Variants in USP34 observed in about 807,000 individuals in gnomAD.
USP34 encodes ubiquitin carboxyl-terminal hydrolase 34.
In USP34, 70 loss-of-function variants were observed where a neutral mutation model predicts 460.3. That is an observed-to-expected ratio of 0.15 (90% confidence interval 0.13 to 0.19). The LOEUF (loss-of-function observed/expected upper bound fraction) is 0.19. USP34 is among the 10% of genes least tolerant of loss of function. The probability of loss-of-function intolerance (pLI) is 1.00; values close to 1 mark genes in which losing one functional copy is unlikely to be tolerated. For missense variants in USP34, 3,985 were observed against 4,236.2 expected (o/e 0.94, Z 1.65); for synonymous variants, 1,647 against 1,405.3 (o/e 1.17, Z -3.85).
chr2:61,222,266 T>G (rs1687609169), intron 65 of USP34, among the ~76,000 whole-genome samples: 1 of 152,230 alleles, frequency 6.6e-6, no homozygotes, highest in Non-Finnish European at 1.5e-5. Flanking sequence ...TATATAACAC[T>G]GCATTCTATT....
intron 2 of USP34, among the ~76,000 whole-genome samples, chr2:61,407,840 T>C (rs1041390306): frequency 5.3e-5 from 8 of 152,068 alleles, no homozygotes; most frequent in African/African-American, 1.9e-4. Context: ...TGAGGCTGGG[T>C]GTGGTGGCTC....
intron 61 of USP34, 26 bp downstream of exon 61, chr2:61,228,619 C>T (rs1316950553): frequency 2.5e-6 from 4 of 1,594,144 alleles, no homozygotes; most frequent in Non-Finnish European, 3.4e-6. Context: ...CCTCTAATAC[C>T]TAATGTACGA....
At chr2:61,232,594 A>G in intron 57 of USP34, 62 bp from the exon 58 acceptor site, 5 of 1,275,398 alleles carry the variant, frequency 3.9e-6, no homozygotes. Context: ...ATGGGATAAC[A>G]GTCACATAAG....
At chr2:61,213,725 GC>G (rs1687330101) in intron 68 of USP34, among the ~76,000 whole-genome samples, 1 of 152,158 alleles carries the variant, frequency 6.6e-6, no homozygotes, top group Admixed American at 6.5e-5. Flanking sequence ...TTTTTAAATA[GC>G]AAAGTACTCA....
intron 10 of USP34, among the ~76,000 whole-genome samples, chr2:61,361,690 A>C (rs1692280354): frequency 6.6e-6 from 1 of 152,216 alleles, no homozygotes; most frequent in South Asian, 2.1e-4. Context: ...AGTACATTTA[A>C]GACCTGAAAT....
intron 2 of USP34, among the ~76,000 whole-genome samples, chr2:61,410,836 T>C (rs1264064533): frequency 6.6e-6 from 1 of 152,002 alleles, no homozygotes. Context: ...AGCTATGAAA[T>C]GGATTTACAA....
chr2:61,244,372 TC>T (rs1688363542), intron 51 of USP34, among the ~76,000 whole-genome samples: 2 of 152,186 alleles, frequency 1.3e-5, no homozygotes, highest in South Asian at 4.1e-4. Context: ...TCCCAGCACT[TC>T]GGAGGCTGCA....
intron 34 of USP34, among the ~76,000 whole-genome samples, chr2:61,287,097 A>T (rs908708268): frequency 1.1e-3 from 160 of 152,332 alleles, no homozygotes; most frequent in African/African-American, 3.8e-3. Context: ...TACTCTGCAT[A>T]TATTTCGTTT....
At chr2:61,207,679 ATTT>A (rs989985625) in intron 70 of USP34, 1 of 150,700 alleles carries the variant, frequency 6.6e-6, no homozygotes, top group Non-Finnish European at 1.5e-5. Context: ...TTAAAAAAAA[ATTT>A]TTTTTTTCTA....
chr2:61,357,807 G>A (rs1197902800), intron 10 of USP34, among the ~76,000 whole-genome samples: 1 of 151,810 alleles, frequency 6.6e-6, no homozygotes, highest in Non-Finnish European at 1.5e-5. Context: ...AGAGGCTAAG[G>A]CAGAAGGACT....
At position 61,189,045 on chromosome 2, in the gene USP34, G is replaced by A. The variant is rs781601287; in HGVS notation, c.9898C>T (p.Leu3300=). The A allele has an allele frequency of 5.0e-6, 8 of 1,613,630 alleles. No homozygotes were observed. The South Asian group carries it at 5.5e-5, about 11-fold the overall frequency. ...NGDLRALALL[L]SVHTPKQLNP... ...AACTGTTTGGGAGTGTGTACTGACA[G>A]GAGCAAAGCGAGTGCCCTCAGGTCC... The change falls in exon 79 of 80, where the codon CTG becomes TTG. Residue 3300 remains leucine, a synonymous_variant. Coordinates refer to ENST00000398571, the MANE Select transcript of USP34 (RefSeq NM_014709.4).
intron 1 of USP34, among the ~76,000 whole-genome samples, chr2:61,435,042 A>C (rs1477260714): frequency 6.6e-6 from 1 of 152,106 alleles, no homozygotes. Context: ...AGCACCTCAC[A>C]CCTATAATCT....
rs2103673432 is a variant in USP34 at position 61,311,829 on chromosome 2, A to G, written c.3624T>C (p.Ser1208=). 2.5e-6 allele frequency: 4 copies of G among 1,614,054 alleles called. No individual in the cohort carries two copies. In the East Asian group the frequency reaches 8.9e-5, roughly 36 times the overall value. ...SHLKALSDKQ[S]LPLRVVCQPA... ...GCTGGCATACAACCCTTAGCGGCAG[A>G]GACTGTTTGTCACTCAGTGCTTTCA... The change falls in exon 26 of 80, where the codon TCT becomes TCC. Residue 1208 remains serine, a synonymous_variant. Transcript: ENST00000398571.
At chr2:61,366,313 T>C (rs966832918) in intron 10 of USP34, among the ~76,000 whole-genome samples, 1 of 152,192 alleles carries the variant, frequency 6.6e-6, no homozygotes, top group Non-Finnish European at 1.5e-5. Context: ...GGTGAGATGA[T>C]CTTCCCAACA....
At chr2:61,201,001 A>T (rs546194036) in intron 75 of USP34, among the ~76,000 whole-genome samples, 2 of 151,896 alleles carry the variant, frequency 1.3e-5, no homozygotes, top group East Asian at 1.9e-4. Context: ...ACCAAGAAAA[A>T]TTTTTTTCTT....
rs533377210 is a variant in USP34, at chr2:61,238,349, G to A, written c.6778-1960C>T. ...CAATTTGTACATAATGTTTTGCCTG[G>A]CCCGAAGCATTCTTCACATGATTAC... On this transcript the variant is annotated intron_variant, in intron 53 of 79. Transcript: ENST00000398571. Among the ~76,000 whole-genome samples the A allele has an allele frequency of 5.3e-5, 8 of 152,130 alleles. No individual in the cohort carries two copies. In the South Asian group the frequency reaches 1.7e-3, roughly 32 times the overall value.
intron 2 of USP34, among the ~76,000 whole-genome samples, chr2:61,409,996 G>GTA (rs1260719532): frequency 6.6e-6 from 1 of 152,108 alleles, no homozygotes; most frequent in Non-Finnish European, 1.5e-5. Flanking sequence ...AGAAGTCTAG[G>GTA]TATATGAATT....
chr2:61,365,309 ATG>A (rs34664941), intron 10 of USP34, among the ~76,000 whole-genome samples: 51,096 of 147,746 alleles, frequency 0.35, 8,744 homozygotes, highest in South Asian at 0.38. Flanking sequence ...TTATTTATAA[ATG>A]TGTGTGTGTG....
At chr2:61,227,740 A>AAAC (rs1558476977) in intron 61 of USP34, among the ~76,000 whole-genome samples, 1 of 151,544 alleles carries the variant, frequency 6.6e-6, no homozygotes, top group Non-Finnish European at 1.5e-5. Flanking sequence ...AACAAACAAA[A>AAAC]AAAAAACAAA....
Sources: gnomAD v4.1 joint callset for allele counts (sites outside exome capture counted in the v4.1 genomes callset) on GRCh38, gnomAD v4.1.1 for gene constraint, MANE v1.5 for transcripts, NCBI Gene and HGNC (gene_info 2026-07-23, HGNC 2026-07-21) for gene names.